Variants in GRID1 observed in about 807,000 individuals in gnomAD.
The protein encoded by GRID1 is glutamate ionotropic receptor delta type subunit 1.
In GRID1, 28 loss-of-function variants were observed where a neutral mutation model predicts 98.0. The ratio of observed to expected loss-of-function variants is 0.29; its 90% CI spans 0.21 to 0.39. The LOEUF is 0.39. GRID1 is among the 10% of genes least tolerant of loss of function. The pLI is 1.00. For missense variants in GRID1, 1,111 were observed against 1,340.5 expected (o/e 0.83, Z 2.67); for synonymous variants, 553 against 538.5 (o/e 1.03, Z -0.37).
intron 4 of GRID1, among the ~76,000 whole-genome samples, chr10:85,938,859 C>T (rs1277383815): frequency 1.3e-5 from 2 of 152,190 alleles, no homozygotes; most frequent in Non-Finnish European, 2.9e-5. Context: ...CAACAACAAT[C>T]TCTCATATTC....
At chr10:85,864,018 T>TC (rs887929091) in intron 6 of GRID1, among the ~76,000 whole-genome samples, 2 of 152,196 alleles carry the variant, frequency 1.3e-5, no homozygotes, top group African/African-American at 4.8e-5. Context: ...AGGCTGCATT[T>TC]CCTCCAGGCT....
At chr10:85,691,969 C>T (rs1382378245) in intron 12 of GRID1, among the ~76,000 whole-genome samples, 1 of 152,030 alleles carries the variant, frequency 6.6e-6, no homozygotes, top group Admixed American at 6.6e-5. Flanking sequence ...CTGTAGCCCT[C>T]TCGATAGTTC....
intron 4 of GRID1, among the ~76,000 whole-genome samples, chr10:85,945,665 C>A (rs962683107): frequency 1.3e-5 from 2 of 152,198 alleles, no homozygotes; most frequent in African/African-American, 4.8e-5. Context: ...AAAGTTCCTA[C>A]ACATGGGCTA....
intron 2 of GRID1, among the ~76,000 whole-genome samples, chr10:86,207,048 T>C (rs996257441): frequency 6.6e-6 from 1 of 152,180 alleles, no homozygotes; most frequent in Non-Finnish European, 1.5e-5. Context: ...AACGTCATTG[T>C]GTTGATCTGT....
intron 4 of GRID1, among the ~76,000 whole-genome samples, chr10:86,045,201 G>A (rs1346157645): frequency 5.3e-5 from 8 of 152,206 alleles, no homozygotes; most frequent in African/African-American, 1.9e-4. Context: ...TGAGGAAACT[G>A]AGGCATGGGG....
At chr10:85,719,280 CA>C in intron 12 of GRID1, among the ~76,000 whole-genome samples, 1 of 152,294 alleles carries the variant, frequency 6.6e-6, no homozygotes, top group East Asian at 1.9e-4. Context: ...CTGAGCCGTC[CA>C]AACTGTTCCA....
At chr10:86,309,877 T>G (rs1251567499) in intron 2 of GRID1, among the ~76,000 whole-genome samples, 1 of 152,176 alleles carries the variant, frequency 6.6e-6, no homozygotes. Flanking sequence ...AGGATGCCAG[T>G]GCCTCAATGA....
chr10:86,223,688 C>T (rs1846294881), intron 2 of GRID1, among the ~76,000 whole-genome samples: 1 of 152,244 alleles, frequency 6.6e-6, no homozygotes, highest in Non-Finnish European at 1.5e-5. Context: ...CTCCCTCAAG[C>T]CCATGGGAGT....
intron 13 of GRID1, among the ~76,000 whole-genome samples, chr10:85,627,604 A>T (rs1427709495): frequency 6.6e-6 from 1 of 152,192 alleles, no homozygotes; most frequent in African/African-American, 2.4e-5. Context: ...TGTTTCCTGC[A>T]GCTCAGCAAG....
chr10:85,726,553 G>A (rs1483375163), intron 10 of GRID1, among the ~76,000 whole-genome samples: 2 of 152,154 alleles, frequency 1.3e-5, no homozygotes, highest in African/African-American at 4.8e-5. Context: ...AAGGGATGAA[G>A]GGAGGAGGGG....
intron 4 of GRID1, among the ~76,000 whole-genome samples, chr10:86,130,143 C>T (rs570187305): frequency 6.6e-6 from 1 of 152,376 alleles, no homozygotes; most frequent in South Asian, 2.1e-4. Flanking sequence ...GGTCTGCTGA[C>T]CACTAGGTTC....
chr10:85,709,620 G>A (rs909177114), intron 12 of GRID1, among the ~76,000 whole-genome samples: 11 of 152,108 alleles, frequency 7.2e-5, no homozygotes, highest in Admixed American at 2.0e-4. Flanking sequence ...ACTCACCTAC[G>A]CTGTCTCTCT....
At chr10:86,248,027 T>G (rs1436422358) in intron 2 of GRID1, among the ~76,000 whole-genome samples, 1 of 152,226 alleles carries the variant, frequency 6.6e-6, no homozygotes, top group Non-Finnish European at 1.5e-5. Flanking sequence ...CAACAAGAGC[T>G]GCCCCCAAGG....
At chr10:86,264,039 G>C (rs1847064291) in intron 2 of GRID1, among the ~76,000 whole-genome samples, 1 of 152,178 alleles carries the variant, frequency 6.6e-6, no homozygotes, top group South Asian at 2.1e-4. Context: ...CACCTGCCGG[G>C]TCAGGTGTTT....
At chr10:85,822,021 T>C (rs1842777424) in intron 8 of GRID1, among the ~76,000 whole-genome samples, 1 of 152,162 alleles carries the variant, frequency 6.6e-6, no homozygotes, top group South Asian at 2.1e-4. Flanking sequence ...CCTTACACCT[T>C]ATACAAAAAT....
chr10:86,061,726 C>A (rs1843651822), intron 4 of GRID1, among the ~76,000 whole-genome samples: 1 of 152,224 alleles, frequency 6.6e-6, no homozygotes. Context: ...CATGCTCAGG[C>A]TTCACCAAGA....
intron 3 of GRID1, among the ~76,000 whole-genome samples, chr10:86,154,192 C>T (rs928183354): frequency 2.6e-5 from 4 of 152,196 alleles, no homozygotes; most frequent in Non-Finnish European, 1.5e-5. Flanking sequence ...GGGTAGATGT[C>T]CTTCCTGCCA....
intron 8 of GRID1, among the ~76,000 whole-genome samples, chr10:85,750,935 G>A (rs1051460030): frequency 1.3e-5 from 2 of 152,200 alleles, no homozygotes; most frequent in Admixed American, 1.3e-4. Flanking sequence ...AATGATCAGA[G>A]ATTGTATTAA....
intron 4 of GRID1, among the ~76,000 whole-genome samples, chr10:86,133,127 C>T (rs1183418789): frequency 6.6e-6 from 1 of 152,206 alleles, no homozygotes; most frequent in Admixed American, 6.5e-5. Flanking sequence ...AGACAGAATA[C>T]CTCTCCCAGA....
Sources: allele counts gnomAD v4.1 joint callset (sites outside exome capture counted in the v4.1 genomes callset), GRCh38; gene constraint gnomAD v4.1.1; transcripts MANE v1.5; gene names NCBI Gene and HGNC (gene_info 2026-07-23, HGNC 2026-07-21).